Variants in AGBL1 observed in about 807,000 individuals in gnomAD.
AGBL1 encodes the protein cytosolic carboxypeptidase 4.
AGBL1 carries 130 observed loss-of-function variants against 118.9 expected under a neutral mutation model. The ratio of observed to expected loss-of-function variants is 1.09; its 90% CI spans 0.95 to 1.26. The LOEUF (loss-of-function observed/expected upper bound fraction) is 1.26. Ranked by LOEUF, AGBL1 falls within the 50% of genes most tolerant of loss-of-function variation. The pLI is 0.00. For synonymous variants in AGBL1, 555 were observed against 478.9 expected, an observed-to-expected ratio of 1.16 and a Z score of -2.08; for missense variants, 1,584 against 1,298.1, an observed-to-expected ratio of 1.22 and a Z score of -3.38.
intron 24 of AGBL1, among the ~76,000 whole-genome samples, chr15:87,019,753 G>C (rs1248590798): frequency 1.3e-5 from 2 of 151,738 alleles, no homozygotes; most frequent in African/African-American, 2.4e-5. Flanking sequence ...CATTGCAAAA[G>C]ACAATAAATA....
At chr15:87,027,124 T>C (rs1596756618) in intron 24 of AGBL1, among the ~76,000 whole-genome samples, 1 of 151,826 alleles carries the variant, frequency 6.6e-6, no homozygotes, top group East Asian at 1.9e-4. Flanking sequence ...TGTTCCTCAA[T>C]AACATATAAA....
In AGBL1 at chr15:86,958,162, G is replaced by A. The variant is rs2080951496; in HGVS notation, c.3222-29825G>A. Among the ~76,000 whole-genome samples, 4 of 150,462 alleles carry A rather than the reference G, an allele frequency of 2.7e-5. No individual in the cohort carries two copies. The South Asian group carries it at 8.3e-4, about 31-fold the overall frequency. On this transcript the variant is annotated intron_variant, in intron 23 of 24. Coordinates refer to the AGBL1 transcript ENST00000441037. Reference sequence around the variant, plus strand: ...GGAGGCTGCAGTAAGCTATGATTGTGCCACTGCACTCCAGCCTGGGTGATA... The same window carrying A: ...GGAGGCTGCAGTAAGCTATGATTGTACCACTGCACTCCAGCCTGGGTGATA...
intron 21 of AGBL1, among the ~76,000 whole-genome samples, chr15:86,627,791 A>G (rs1192474553): frequency 6.6e-6 from 1 of 152,210 alleles, no homozygotes; most frequent in African/African-American, 2.4e-5. Context: ...CAGGGACCTC[A>G]GGGGTTGAGA....
chr15:86,464,539 C>T (rs2082375337), intron 18 of AGBL1, among the ~76,000 whole-genome samples: 2 of 152,130 alleles, frequency 1.3e-5, no homozygotes, highest in Admixed American at 1.3e-4. Context: ...GGAATGCTTC[C>T]AGCTTTTGCC....
At chr15:86,159,400 C>T (rs904003539) in intron 5 of AGBL1, among the ~76,000 whole-genome samples, 2 of 152,046 alleles carry the variant, frequency 1.3e-5, no homozygotes, top group Admixed American at 6.6e-5. Flanking sequence ...ACTTTTTACT[C>T]GCAGCAAATC....
chr15:86,340,610 G>T (rs139529321), intron 17 of AGBL1, among the ~76,000 whole-genome samples: 1 of 152,302 alleles, frequency 6.6e-6, no homozygotes, highest in East Asian at 1.9e-4. Flanking sequence ...CTGAAAGCAC[G>T]TTGATTTTGA....
At chr15:86,933,550 G>T (rs900053232) in intron 23 of AGBL1, among the ~76,000 whole-genome samples, 1 of 152,170 alleles carries the variant, frequency 6.6e-6, no homozygotes, top group Non-Finnish European at 1.5e-5. Context: ...TATCCTGTGT[G>T]TCTGGCCTTG....
At chr15:86,238,343 A>AGGT (rs939915876) in intron 6 of AGBL1, among the ~76,000 whole-genome samples, 38 of 152,162 alleles carry the variant, frequency 2.5e-4, no homozygotes, top group African/African-American at 9.2e-4. Context: ...TTGCTAAATA[A>AGGT]ATGTTTGCTG....
intron 22 of AGBL1, among the ~76,000 whole-genome samples, chr15:86,768,182 A>G (rs146536349): frequency 6.6e-6 from 1 of 151,944 alleles, no homozygotes; most frequent in Admixed American, 6.6e-5. Context: ...ATTTGCTCGC[A>G]AATTTTATTC....
At chr15:86,721,017 A>C (rs1360429756) in intron 22 of AGBL1, among the ~76,000 whole-genome samples, 1 of 152,150 alleles carries the variant, frequency 6.6e-6, no homozygotes, top group East Asian at 1.9e-4. Flanking sequence ...ATAGCTTACC[A>C]ATCAAAAAAA....
chr15:86,256,065 A>G (rs936765696), intron 7 of AGBL1, among the ~76,000 whole-genome samples: 1 of 152,186 alleles, frequency 6.6e-6, no homozygotes, highest in African/African-American at 2.4e-5. Context: ...TTCCTGTACC[A>G]AGTCAGTAGA....
intron 22 of AGBL1, among the ~76,000 whole-genome samples, chr15:86,822,400 G>A: frequency 6.6e-6 from 1 of 152,116 alleles, no homozygotes; most frequent in East Asian, 1.9e-4. Context: ...TAAGAACCCA[G>A]GCTAAGACAA....
chr15:86,133,972 T>C (rs1478544066), intron 1 of AGBL1, among the ~76,000 whole-genome samples: 1 of 152,226 alleles, frequency 6.6e-6, no homozygotes, highest in Non-Finnish European at 1.5e-5. Flanking sequence ...CCACCATTAT[T>C]GAAACAAATA....
chr15:86,525,167 A>T (rs1404672918), intron 19 of AGBL1, among the ~76,000 whole-genome samples: 1 of 152,028 alleles, frequency 6.6e-6, no homozygotes, highest in Non-Finnish European at 1.5e-5. Context: ...CAAAAAAAAA[A>T]TACCCAGGAA....
At chr15:86,383,990 C>T (rs73453494) in intron 17 of AGBL1, among the ~76,000 whole-genome samples, 1 of 152,106 alleles carries the variant, frequency 6.6e-6, no homozygotes, top group Non-Finnish European at 1.5e-5. Flanking sequence ...ATGTCTAAAC[C>T]TAGTGAAATG....
chr15:86,707,606 A>G (rs976115646), intron 22 of AGBL1, among the ~76,000 whole-genome samples: 1 of 152,176 alleles, frequency 6.6e-6, no homozygotes, highest in African/African-American at 2.4e-5. Context: ...GACAAAATCG[A>G]ATGTGTAGAG....
At chr15:86,113,227 C>G (rs1264461015) in intron 1 of AGBL1, among the ~76,000 whole-genome samples, 2 of 65,036 alleles carry the variant, frequency 3.1e-5, no homozygotes, top group South Asian at 5.3e-4. Context: ...CTTTTCTTTT[C>G]TTTTCTTTTC....
At chr15:86,988,097 G>A in intron 24 of AGBL1, 1 of 1,612,960 alleles carries the variant, frequency 6.2e-7, no homozygotes, top group South Asian at 1.1e-5. Flanking sequence ...CCGTGAGTAT[G>A]TCAGTTTCCT....
intron 6 of AGBL1, among the ~76,000 whole-genome samples, chr15:86,244,525 C>CA (rs1555454599): frequency 2.0e-5 from 3 of 151,704 alleles, no homozygotes; most frequent in Non-Finnish European, 4.4e-5. Context: ...TGTAGGGTCG[C>CA]GGGGGAAGGA....
Sources: gnomAD v4.1 joint callset for allele counts (sites outside exome capture counted in the v4.1 genomes callset) on GRCh38, gnomAD v4.1.1 for gene constraint, MANE v1.5 for transcripts, NCBI Gene and HGNC (gene_info 2026-07-23, HGNC 2026-07-21) for gene names.